BRD4: variants seen among roughly 807,000 people sequenced by gnomAD.
BRD4 encodes bromodomain-containing protein 4.
Under a neutral mutation model 142.1 loss-of-function variants are expected in BRD4, and 16 were observed. The observed-to-expected ratio is 0.11, with a 90% CI of 0.08 to 0.17. The LOEUF (loss-of-function observed/expected upper bound fraction) is 0.17, where lower values mean the gene tolerates loss of function less well. Ranked by LOEUF, BRD4 falls within the 10% of genes least tolerant of loss-of-function variation. The probability of loss-of-function intolerance (pLI) is 1.00; values close to 1 mark genes in which losing one functional copy is unlikely to be tolerated. For synonymous variants in BRD4, 833 were observed against 707.5 expected, an observed-to-expected ratio of 1.18 and a Z score of -2.82; for missense variants, 1,424 against 1,810.9, an observed-to-expected ratio of 0.79 and a Z score of 3.88.
At chr19:15,267,847 A>G (rs1279557328) in intron 3 of BRD4, among the ~76,000 whole-genome samples, 2 of 152,200 alleles carry the variant, frequency 1.3e-5, no homozygotes, top group African/African-American at 4.8e-5. Context: ...AGCTCAGCCA[A>G]TCACTGAAAG....
At chr19:15,318,896 C>A (rs1371102707) in intron 1 of BRD4, among the ~76,000 whole-genome samples, 1 of 152,202 alleles carries the variant, frequency 6.6e-6, no homozygotes, top group Non-Finnish European at 1.5e-5. Context: ...GGCACAGGGG[C>A]CCTGGGAAGG....
chr19:15,238,807 G>T lies in BRD4; in HGVS notation c.3956C>A (p.Ser1319Tyr). The part of the protein sequence containing the change: ...TPQAQSSQPQ[S>Y]MLDQQRELAR... Reference sequence around the variant, plus strand: ...CAACTCCCTCTGCTGGTCCAGCATGGACTGGGGCTGGGAGCTCTGGGCCTG... The same window carrying T: ...CAACTCCCTCTGCTGGTCCAGCATGTACTGGGGCTGGGAGCTCTGGGCCTG... Residue 1319 changes from serine (S) to tyrosine (Y), a missense_variant, in exon 19 of 20, where the codon TCC becomes TAC. Ser to Tyr is a moderately radical substitution (Grantham distance 144). Transcript: ENST00000679869. The surrounding 1 kb of genome is among the most constrained non-coding windows in gnomAD (Gnocchi z 7.2). The T allele has an allele frequency of 1.2e-6, 2 of 1,602,694 alleles. No individual in the cohort carries two copies. Among genetic ancestry groups the T allele is most frequent in the Non-Finnish European group, 1.7e-6 (2 of 1,173,276 alleles).
At chr19:15,283,274 C>T (rs900052112) in intron 1 of BRD4, among the ~76,000 whole-genome samples, 1 of 152,156 alleles carries the variant, frequency 6.6e-6, no homozygotes, top group African/African-American at 2.4e-5. Context: ...GAGTGAAAGA[C>T]AGGTTTAGTT....
rs2047711242 is a variant in BRD4, at chr19:15,282,322, G to C, written c.-34-9189C>G. 2.0e-5 allele frequency among the ~76,000 whole-genome samples: 3 copies of C among 152,354 alleles called. No individual in the cohort carries two copies. The South Asian group carries it at 6.2e-4, about 32-fold the overall frequency. Reference sequence around the variant, plus strand: ...GGTAAGAGAATGTGATGTTACATCAGAAATGCAGGATGCAAAATTACAGAT... The same window carrying C: ...GGTAAGAGAATGTGATGTTACATCACAAATGCAGGATGCAAAATTACAGAT... On this transcript the variant is annotated intron_variant, in intron 1 of 19. Transcript: ENST00000679869.
At chr19:15,257,332 G>C (rs2047422751) in intron 7 of BRD4, 159 bp from the exon 8 acceptor site, 1 of 660,826 alleles carries the variant, frequency 1.5e-6, no homozygotes, top group African/African-American at 1.8e-5. Flanking sequence ...AGGGGCAAGG[G>C]CCAGCCAAGG....
At chr19:15,331,106 G>C (rs1270745146) in intron 1 of BRD4, among the ~76,000 whole-genome samples, 3 of 152,052 alleles carry the variant, frequency 2.0e-5, no homozygotes, top group African/African-American at 7.2e-5. Flanking sequence ...CCCAAGACCA[G>C]ACACCCCACC....
chr19:15,320,460 T>G (rs1337102923), intron 1 of BRD4, among the ~76,000 whole-genome samples: 1 of 152,160 alleles, frequency 6.6e-6, no homozygotes, highest in Non-Finnish European at 1.5e-5. Flanking sequence ...AATAACAATA[T>G]ACCATACAGA....
chr19:15,308,472 A>C (rs1490286318), intron 1 of BRD4, among the ~76,000 whole-genome samples: 1 of 151,608 alleles, frequency 6.6e-6, no homozygotes, highest in Non-Finnish European at 1.5e-5. Flanking sequence ...CTGTAGTCCC[A>C]GCTACTCAGG....
At chr19:15,255,208 G>GA in intron 10 of BRD4, 89 bp downstream of exon 10, 1 of 1,291,432 alleles carries the variant, frequency 7.7e-7, no homozygotes, top group Non-Finnish European at 1.1e-6. Context: ...AAGGGGGGGG[G>GA]CGCAGAAAGA....
chr19:15,295,051 G>T (rs1050152963), intron 1 of BRD4, among the ~76,000 whole-genome samples: 10 of 152,166 alleles, frequency 6.6e-5, no homozygotes, highest in South Asian at 2.1e-4. Context: ...TAAATAAAAG[G>T]TTCCATAAAA....
intron 1 of BRD4, among the ~76,000 whole-genome samples, chr19:15,318,557 T>C (rs1358845947): frequency 6.6e-6 from 1 of 152,206 alleles, no homozygotes; most frequent in East Asian, 1.9e-4. Context: ...TCTTCCTCAA[T>C]CTGCAGGTTC....
At chr19:15,299,350 T>C (rs1259863648) in intron 1 of BRD4, among the ~76,000 whole-genome samples, 1 of 152,326 alleles carries the variant, frequency 6.6e-6, no homozygotes, top group African/African-American at 2.4e-5. Flanking sequence ...TCTCATGATA[T>C]ATGTGCTCAT....
chr19:15,295,324 C>T (rs1049786952), intron 1 of BRD4, among the ~76,000 whole-genome samples: 3 of 152,202 alleles, frequency 2.0e-5, no homozygotes, highest in East Asian at 1.9e-4. Flanking sequence ...TCCTGACCCT[C>T]GATTTCTTCT....
chr19:15,316,526 G>C (rs1286243526), intron 1 of BRD4, among the ~76,000 whole-genome samples: 1 of 152,072 alleles, frequency 6.6e-6, no homozygotes, highest in African/African-American at 2.4e-5. Flanking sequence ...GGGAGACGGA[G>C]GTTGCAGTGA....
At chr19:15,242,651 G>A (rs903559889) in intron 14 of BRD4, among the ~76,000 whole-genome samples, 17 of 152,088 alleles carry the variant, frequency 1.1e-4, no homozygotes, top group African/African-American at 3.9e-4. Flanking sequence ...TAGCATTGTC[G>A]TGCTCCTGAC....
chr19:15,272,866 C>T lies in BRD4; in HGVS notation c.234G>A (p.Gln78=), dbSNP rs772582586. The T allele has an allele frequency of 3.1e-6, 5 of 1,614,168 alleles. No homozygotes were observed. In the South Asian group the frequency reaches 5.5e-5, roughly 18 times the overall value. ...CAGGCTGCTGGAAAGGCCATGCAAA[C>T]TGGTGTTTCCATAGTGTCTTGAGCA... The part of the protein sequence containing the change: ...RVVLKTLWKH[Q]FAWPFQQPVD... Residue 78 remains glutamine (Q), a synonymous_variant, in exon 2 of 20, where the codon CAG becomes CAA. Coordinates refer to ENST00000679869, the MANE Select transcript of BRD4 (RefSeq NM_001379291.1).
chr19:15,295,063 G>A (rs1445827048), intron 1 of BRD4, among the ~76,000 whole-genome samples: 1 of 152,140 alleles, frequency 6.6e-6, no homozygotes, highest in Non-Finnish European at 1.5e-5. Context: ...TCCATAAAAG[G>A]GGGCAACAGC....
chr19:15,243,090 AGGG>A lies in BRD4; in HGVS notation c.2976_2978del (p.Pro994del). On this transcript the variant is annotated inframe_deletion, in exon 14 of 20. Transcript: ENST00000679869. ...TGGGCTGCAAGTGCACGGGCCGTGG[AGGG>A]GGCTGATGCTGCTGCTGGGGTGGAG... The A allele has an allele frequency of 8.3e-7, 1 of 1,211,340 alleles. No individual in the cohort carries two copies. The highest frequency in any genetic ancestry group is 2.0e-5 in the South Asian group (1 of 50,770). The allele number at this position is 1,211,340 out of a possible 1,614,324, so 75.0% of individuals were successfully genotyped here.
At chr19:15,255,839 C>T (rs867132269) in intron 9 of BRD4, among the ~76,000 whole-genome samples, 19 of 152,248 alleles carry the variant, frequency 1.2e-4, no homozygotes, top group African/African-American at 4.3e-4. Flanking sequence ...CCTATCCTCC[C>T]CAACCAAACA....
Sources: allele counts gnomAD v4.1 joint callset (sites outside exome capture counted in the v4.1 genomes callset), GRCh38; gene constraint gnomAD v4.1.1; non-coding constraint Gnocchi (gnomAD v3.1); transcripts MANE v1.5; gene names NCBI Gene and HGNC (gene_info 2026-07-23, HGNC 2026-07-21).